Variants in CCDC146 observed in about 807,000 individuals in gnomAD.
CCDC146 encodes coiled-coil domain-containing protein 146.
CCDC146 carries 92 observed loss-of-function variants against 119.3 expected under a neutral mutation model. The observed-to-expected ratio is 0.77, with a 90% confidence interval of 0.65 to 0.92. CCDC146 has a LOEUF of 0.92. CCDC146 is among the 40% of genes least tolerant of loss of function. The probability of loss-of-function intolerance (pLI) is 0.00; values close to 1 mark genes in which losing one functional copy is unlikely to be tolerated. For missense variants in CCDC146, 1,000 were observed against 1,103.0 expected, an observed-to-expected ratio of 0.91 and a Z score of 1.32; for synonymous variants, 372 against 371.8, an observed-to-expected ratio of 1.00 and a Z score of -0.01.
At chr7:77,202,069 A>C (rs1040132974) in intron 2 of CCDC146, among the ~76,000 whole-genome samples, 7 of 152,256 alleles carry the variant, frequency 4.6e-5, no homozygotes, top group Admixed American at 2.6e-4. Flanking sequence ...TATACTCAGC[A>C]CTATGCTAGA....
chr7:77,205,714 T>C (rs996045268), intron 2 of CCDC146, among the ~76,000 whole-genome samples: 3 of 152,218 alleles, frequency 2.0e-5, no homozygotes, highest in African/African-American at 7.2e-5. Context: ...GCTAAGATCA[T>C]GCCACTGCAC....
Position 77,243,965 on chromosome 7 carries a change from A to G in CCDC146, c.449+2065A>G, listed in dbSNP as rs189300036. Among the ~76,000 whole-genome samples, 34 of 152,210 alleles carry G rather than the reference A, an allele frequency of 2.2e-4. 1 individual carries two copies. In the East Asian group the frequency reaches 4.3e-3, roughly 19 times the overall value. ...GCAATTTTGGCTCACTGCAACCTCC[A>G]CTTGCTGGGTTCAAGCAATTCTCTG... On this transcript the variant is annotated intron_variant, in intron 4 of 18. Transcript: ENST00000285871.
chr7:77,263,762 A>G (rs2150519712), intron 9 of CCDC146, among the ~76,000 whole-genome samples: 1 of 152,276 alleles, frequency 6.6e-6, no homozygotes, highest in East Asian at 1.9e-4. Context: ...TGTCTCTACT[A>G]AAAATACAAA....
chr7:77,191,415 G>T (rs1791759943), intron 2 of CCDC146, among the ~76,000 whole-genome samples: 2 of 152,062 alleles, frequency 1.3e-5, no homozygotes, highest in Non-Finnish European at 2.9e-5. Context: ...CTCTTTCTCT[G>T]TGGCAACATA....
chr7:77,168,608 T>A (rs1344022848), intron 2 of CCDC146, among the ~76,000 whole-genome samples: 1 of 152,102 alleles, frequency 6.6e-6, no homozygotes, highest in Non-Finnish European at 1.5e-5. Context: ...AAAGTAATTT[T>A]AAAAATAATA....
chr7:77,234,255 T>TC (rs1175727234), intron 2 of CCDC146, among the ~76,000 whole-genome samples: 15 of 136,098 alleles, frequency 1.1e-4, no homozygotes, highest in South Asian at 2.1e-4. Context: ...GTAAAGGCTT[T>TC]TTTTTTTTTT....
chr7:77,233,256 T>C lies in CCDC146; in HGVS notation c.157-3691T>C, dbSNP rs534268217. Among the ~76,000 whole-genome samples, 8 of 151,018 alleles carry C rather than the reference T, an allele frequency of 5.3e-5. No homozygotes were observed. In the South Asian group the frequency reaches 1.5e-3, roughly 28 times the overall value. On this transcript the variant is annotated intron_variant, in intron 2 of 18. Coordinates refer to ENST00000285871, the MANE Select transcript of CCDC146 (RefSeq NM_020879.3). Reference sequence around the variant, plus strand: ...GGCATGCGCCACCATGCCCAGCTAATTTTTTTTGTATTTTTAGTAGAGATG... The same window carrying C: ...GGCATGCGCCACCATGCCCAGCTAACTTTTTTTGTATTTTTAGTAGAGATG...
intron 1 of CCDC146, among the ~76,000 whole-genome samples, chr7:77,137,990 G>A (rs1454914935): frequency 6.6e-6 from 1 of 151,630 alleles, no homozygotes; most frequent in East Asian, 1.9e-4. Flanking sequence ...AGTATTGCTG[G>A]TGATACTGAC....
chr7:77,224,126 T>G (rs574551365), intron 2 of CCDC146, among the ~76,000 whole-genome samples: 1 of 152,326 alleles, frequency 6.6e-6, no homozygotes, highest in Non-Finnish European at 1.5e-5. Flanking sequence ...CATAACAAAT[T>G]ACCACAAACT....
chr7:77,224,835 C>G (rs573275502), intron 2 of CCDC146, among the ~76,000 whole-genome samples: 1 of 152,216 alleles, frequency 6.6e-6, no homozygotes, highest in South Asian at 2.1e-4. Flanking sequence ...AGGACAGACT[C>G]AAGGAAGACA....
chr7:77,254,161 G>C (rs1793132809), intron 4 of CCDC146, among the ~76,000 whole-genome samples: 1 of 152,230 alleles, frequency 6.6e-6, no homozygotes, highest in Non-Finnish European at 1.5e-5. Context: ...GCTGTAGCAG[G>C]AATCCAGGCA....
rs187635185 is a variant in CCDC146 at position 77,191,719 on chromosome 7, T to G, written c.156+23895T>G. ...GTCAGGAGATCGAGACCATCCTGGCTAACACGGTGAAACCCAGTCTCTACT... is the reference window on the plus strand; with the variant it reads ...GTCAGGAGATCGAGACCATCCTGGCGAACACGGTGAAACCCAGTCTCTACT... On this transcript the variant is annotated intron_variant, in intron 2 of 18. Coordinates refer to ENST00000285871, the MANE Select transcript of CCDC146 (RefSeq NM_020879.3). 3.0e-4 allele frequency among the ~76,000 whole-genome samples: 46 copies of G among 152,044 alleles called. 1 individual carries two copies. The East Asian group carries it at 8.4e-3, about 28-fold the overall frequency.
chr7:77,125,054 C>T (rs767519630), intron 1 of CCDC146, among the ~76,000 whole-genome samples: 4 of 151,882 alleles, frequency 2.6e-5, no homozygotes, highest in South Asian at 4.2e-4. Context: ...ATTAGCTTGG[C>T]GTAGTGATGG....
At chr7:77,199,876 T>C in intron 2 of CCDC146, 12 of 1,491,218 alleles carry the variant, frequency 8.0e-6, no homozygotes, top group Non-Finnish European at 1.1e-5. Flanking sequence ...TCAGGCTTTC[T>C]GTGTTCCCAG....
At chr7:77,205,048 T>A (rs1470353809) in intron 2 of CCDC146, among the ~76,000 whole-genome samples, 1 of 152,072 alleles carries the variant, frequency 6.6e-6, no homozygotes, top group Admixed American at 6.6e-5. Context: ...AGCCCAGGAA[T>A]TTTTACTTCT....
intron 7 of CCDC146, 32 bp from the exon 8 acceptor site, chr7:77,259,966 GTGTGTGTGTGT>G: frequency 2.1e-6 from 1 of 482,970 alleles, no homozygotes; most frequent in Non-Finnish European, 3.5e-6. Context: ...GTGTGTGTGT[GTGTGTGTGTGT>G]GTGTGTGTGT....
At chr7:77,205,348 T>G (rs1049821734) in intron 2 of CCDC146, among the ~76,000 whole-genome samples, 1 of 152,208 alleles carries the variant, frequency 6.6e-6, no homozygotes, top group Non-Finnish European at 1.5e-5. Context: ...ACACCCTATT[T>G]AATATATATT....
intron 4 of CCDC146, among the ~76,000 whole-genome samples, chr7:77,245,593 C>T (rs17149494): frequency 0.06 from 9,146 of 152,196 alleles, 903 homozygotes; most frequent in African/African-American, 0.21. Context: ...GCTGTCCTGA[C>T]GTGACCCTGA....
At chr7:77,233,094 G>GTTTT (rs10645152) in intron 2 of CCDC146, among the ~76,000 whole-genome samples, 61 of 144,696 alleles carry the variant, frequency 4.2e-4, no homozygotes, top group African/African-American at 1.3e-3. Context: ...TCTTTTGTTT[G>GTTTT]TTTTTTTTTT....
Sources: allele counts gnomAD v4.1 joint callset (sites outside exome capture counted in the v4.1 genomes callset), GRCh38; gene constraint gnomAD v4.1.1; transcripts MANE v1.5; gene names NCBI Gene and HGNC (gene_info 2026-07-23, HGNC 2026-07-21).